The following FRAS1 variants were observed in gnomAD, a reference collection of about 807,000 sequenced individuals.
FRAS1 encodes the protein Fraser extracellular matrix complex subunit 1.
A neutral mutation model predicts 435.2 loss-of-function variants in FRAS1; 290 were observed. The ratio of observed to expected loss-of-function variants is 0.67; its 90% CI spans 0.61 to 0.73. The LOEUF is 0.73. FRAS1 is among the 30% of genes least tolerant of loss of function. The pLI is 0.00. For missense variants in FRAS1, 4,860 were observed against 5,001.5 expected (o/e 0.97, Z 0.85); for synonymous variants, 1,800 against 1,851.0 (o/e 0.97, Z 0.71).
At chr4:78,482,250 G>C (rs928105350) in intron 57 of FRAS1, 138 bp from the exon 58 acceptor site, 30 of 965,208 alleles carry the variant, frequency 3.1e-5, no homozygotes, top group Non-Finnish European at 4.8e-5. Context: ...ATGTAATAAA[G>C]AGATCATCAT....
At chr4:78,113,313 C>T (rs1742875534) in intron 2 of FRAS1, among the ~76,000 whole-genome samples, 2 of 152,170 alleles carry the variant, frequency 1.3e-5, no homozygotes, top group South Asian at 2.1e-4. Flanking sequence ...TTTATAGCAG[C>T]ATGATTTATA....
intron 2 of FRAS1, among the ~76,000 whole-genome samples, chr4:78,126,965 G>C (rs1297559224): frequency 2.6e-5 from 4 of 152,152 alleles, no homozygotes; most frequent in African/African-American, 4.8e-5. Context: ...TTATTCATTT[G>C]TGAATTTAGA....
intron 35 of FRAS1, among the ~76,000 whole-genome samples, chr4:78,424,989 G>A (rs1362002218): frequency 6.6e-6 from 1 of 151,870 alleles, no homozygotes; most frequent in Non-Finnish European, 1.5e-5. Flanking sequence ...ATCCATTAAA[G>A]AGTTAATAGT....
At chr4:78,218,579 T>C (rs1723905945) in intron 2 of FRAS1, among the ~76,000 whole-genome samples, 1 of 152,218 alleles carries the variant, frequency 6.6e-6, no homozygotes. Flanking sequence ...GGATCTTGTC[T>C]AATGGCAGAT....
At chr4:78,158,956 C>A (rs1721010009) in intron 2 of FRAS1, among the ~76,000 whole-genome samples, 1 of 152,120 alleles carries the variant, frequency 6.6e-6, no homozygotes. Context: ...ATAGACATTG[C>A]CTGGGATCTT....
intron 2 of FRAS1, among the ~76,000 whole-genome samples, chr4:78,066,268 G>T (rs532252393): frequency 3.9e-5 from 6 of 152,200 alleles, no homozygotes; most frequent in African/African-American, 1.4e-4. Context: ...ACATTCTGTG[G>T]CTGTTCTTTG....
In FRAS1 at chr4:78,446,859, T is replaced by G; in HGVS notation, c.5989T>G (p.Leu1997Val). ...DTPDNELIFV[L>V]TKKPDHGHVL... ...CCCAGATAATGAGCTCATTTTTGTA[T>G]TGACAAAAAAGCCTGACCACGGTAG... The change falls in exon 43 of 74, where the codon TTG (leucine) becomes GTG (valine). Residue 1997 changes from leucine (L) to valine (V), a missense_variant. By Grantham distance (32) the Leu-to-Val change is conservative (BLOSUM62 1). Transcript: ENST00000512123. The G allele has an allele frequency of 6.2e-7, 1 of 1,610,654 alleles. No individual in the cohort carries two copies. Among genetic ancestry groups the G allele is most frequent in the Admixed American group, 1.7e-5 (1 of 59,498 alleles).
At chr4:78,524,887 T>C (rs965962104) in intron 69 of FRAS1, among the ~76,000 whole-genome samples, 4 of 152,176 alleles carry the variant, frequency 2.6e-5, no homozygotes, top group African/African-American at 9.7e-5. Context: ...GGAGACATTA[T>C]AATTTTAATT....
At chr4:78,343,230 C>T (rs73827984) in intron 20 of FRAS1, among the ~76,000 whole-genome samples, 2,010 of 152,274 alleles carry the variant, frequency 0.013, 47 homozygotes, top group African/African-American at 0.044. Context: ...CATCATTTCC[C>T]GAGCACTGAA....
chr4:78,269,545 C>T (rs1726549043), intron 9 of FRAS1, among the ~76,000 whole-genome samples: 1 of 152,106 alleles, frequency 6.6e-6, no homozygotes, highest in Non-Finnish European at 1.5e-5. Context: ...GCAGCTTCAT[C>T]GTTGTCTTCA....
At chr4:78,346,064 T>C (rs999127735) in intron 20 of FRAS1, among the ~76,000 whole-genome samples, 4 of 152,190 alleles carry the variant, frequency 2.6e-5, no homozygotes, top group Non-Finnish European at 4.4e-5. Flanking sequence ...TGTGGGTGTA[T>C]GTTGAAAGAA....
chr4:78,057,384 G>C lies in FRAS1; in HGVS notation c.-626G>C, dbSNP rs931862245. Among the ~76,000 whole-genome samples, 2 of 152,142 alleles carry C rather than the reference G, an allele frequency of 1.3e-5. No individual in the cohort carries two copies. Among genetic ancestry groups the C allele is most frequent in the Non-Finnish European group, 2.9e-5 (2 of 68,024 alleles). ...AGCGCAGCCTGAGGCGGTGTGGTGC[G>C]GTGCGGCTGCAGGGCGGGCGAGTCC... On this transcript the variant is annotated 5_prime_UTR_variant, in exon 1 of 74. Coordinates refer to ENST00000512123, the MANE Select transcript of FRAS1 (RefSeq NM_025074.7). The surrounding 1 kb of genome is among the most constrained non-coding windows in gnomAD (Gnocchi z 4.2).
At chr4:78,444,613 C>T (rs1309623647) in intron 41 of FRAS1, among the ~76,000 whole-genome samples, 1 of 152,144 alleles carries the variant, frequency 6.6e-6, no homozygotes, top group Non-Finnish European at 1.5e-5. Flanking sequence ...TTGGTCTCCT[C>T]TCTCTAGAAT....
At position 78,196,250 on chromosome 4, in the gene FRAS1, G is replaced by A. The variant is rs550723599; in HGVS notation, c.109-41260G>A. The stretch of plus-strand genomic sequence containing the variant: ...TCTTGATCTCCTGACCTTGTGATCC[G>A]CCTGCCTTGGCCTCCCAAAGTGCTG... On this transcript the variant is annotated intron_variant, in intron 2 of 73. Transcript: ENST00000512123. Among the ~76,000 whole-genome samples the A allele has an allele frequency of 5.4e-4, 82 of 152,160 alleles. 1 individual carries two copies. The highest frequency in any genetic ancestry group is 1.9e-3 in the South Asian group (9 of 4,818).
intron 20 of FRAS1, among the ~76,000 whole-genome samples, chr4:78,360,837 T>C (rs1452624086): frequency 6.6e-6 from 1 of 152,244 alleles, no homozygotes; most frequent in Non-Finnish European, 1.5e-5. Context: ...TAATTACTTA[T>C]TTGTTGTACC....
intron 2 of FRAS1, among the ~76,000 whole-genome samples, chr4:78,141,377 A>T (rs1369439867): frequency 6.6e-6 from 1 of 152,168 alleles, no homozygotes; most frequent in Non-Finnish European, 1.5e-5. Flanking sequence ...TTTATTTGAG[A>T]TTTCATTTTA....
chr4:78,302,789 T>G (rs1388769621), intron 14 of FRAS1, among the ~76,000 whole-genome samples: 1 of 152,194 alleles, frequency 6.6e-6, no homozygotes, highest in Non-Finnish European at 1.5e-5. Context: ...TGCGAAAATC[T>G]TCTCCCATTT....
chr4:78,293,012 G>C (rs1456969001), intron 14 of FRAS1, among the ~76,000 whole-genome samples: 1 of 152,156 alleles, frequency 6.6e-6, no homozygotes, highest in Non-Finnish European at 1.5e-5. Context: ...TTCTGTTCAT[G>C]CATAAATATT....
intron 2 of FRAS1, chr4:78,071,817 G>T (rs919040965): frequency 6.6e-6 from 1 of 152,104 alleles, no homozygotes; most frequent in Non-Finnish European, 1.5e-5. Context: ...AATTCTTAAC[G>T]TACTCTAGTA....
Sources: gnomAD v4.1 joint callset for allele counts (sites outside exome capture counted in the v4.1 genomes callset) on GRCh38, gnomAD v4.1.1 for gene constraint, Gnocchi (gnomAD v3.1) non-coding constraint, MANE v1.5 for transcripts, NCBI Gene and HGNC (gene_info 2026-07-23, HGNC 2026-07-21) for gene names.